The following ARHGAP39 variants were observed in gnomAD, a reference collection of about 807,000 sequenced individuals.
ARHGAP39 encodes the protein Rho GTPase activating protein 39.
In ARHGAP39, 44 loss-of-function variants were observed where a neutral mutation model predicts 106.9. The ratio of observed to expected loss-of-function variants is 0.41; its 90% CI spans 0.32 to 0.53. The LOEUF is 0.53. Ranked by LOEUF, ARHGAP39 falls within the 20% of genes least tolerant of loss-of-function variation. The pLI, the probability that ARHGAP39 is intolerant of heterozygous loss-of-function variation, is 0.21. For missense variants in ARHGAP39, 1,496 were observed against 1,577.3 expected, an observed-to-expected ratio of 0.95 and a Z score of 0.87; for synonymous variants, 768 against 693.2, an observed-to-expected ratio of 1.11 and a Z score of -1.69.
chr8:144,649,876 T>C (rs1821533068), intron 1 of ARHGAP39, among the ~76,000 whole-genome samples: 1 of 151,820 alleles, frequency 6.6e-6, no homozygotes, highest in Non-Finnish European at 1.5e-5. Context: ...GATAAATTCT[T>C]GGACATGCCT....
At chr8:144,607,566 C>T (rs1820339692) in intron 1 of ARHGAP39, among the ~76,000 whole-genome samples, 1 of 152,188 alleles carries the variant, frequency 6.6e-6, no homozygotes, top group Non-Finnish European at 1.5e-5. Flanking sequence ...AGTACAGCCC[C>T]CACCCCGCCC....
At chr8:144,600,803 C>A (rs537347440) in intron 2 of ARHGAP39, among the ~76,000 whole-genome samples, 4 of 146,850 alleles carry the variant, frequency 2.7e-5, no homozygotes, top group Admixed American at 2.7e-4. Flanking sequence ...GCTCATCTAC[C>A]TACCTGCGCG....
rs752943391 is a variant in ARHGAP39 at position 144,530,511 on chromosome 8, C to T, written c.3256G>A (p.Val1086Ile). ...CLRCQSDDPR[V>I]IFENTRKEMS... ...TCCTTGCGGGTGTTCTCGAAGATGA[C>T]GCGCGGGTCGTCGGACTGGCAGCGC... The change falls in exon 12 of 12, where the codon GTC becomes ATC. Residue 1086 changes from valine to isoleucine, a missense_variant. Transcript: ENST00000377307. The T allele has an allele frequency of 6.2e-7, 1 of 1,611,964 alleles. No individual in the cohort carries two copies. Among genetic ancestry groups the T allele is most frequent in the Non-Finnish European group, 8.5e-7 (1 of 1,179,654 alleles).
intron 3 of ARHGAP39, among the ~76,000 whole-genome samples, chr8:144,558,524 A>G (rs937995192): frequency 5.3e-5 from 8 of 151,972 alleles, no homozygotes; most frequent in East Asian, 1.9e-4. Flanking sequence ...AACTCCTGAC[A>G]TCAGGTGATC....
intron 1 of ARHGAP39, among the ~76,000 whole-genome samples, chr8:144,627,605 C>G (rs1354704070): frequency 6.6e-6 from 1 of 150,550 alleles, no homozygotes; most frequent in Non-Finnish European, 1.5e-5. Context: ...TCTCAAACAG[C>G]TGCTGCCAAC....
the ARHGAP39 span, among the ~76,000 whole-genome samples, chr8:144,696,193 C>T: frequency 5.9e-5 from 9 of 152,168 alleles, no homozygotes; most frequent in African/African-American, 2.2e-4. Flanking sequence ...GGCTGGAGTG[C>T]AGTGGCACAA....
chr8:144,646,849 G>A lies in ARHGAP39; in HGVS notation c.-82+38837C>T, dbSNP rs923374360. ...TTTCTCCACCACACTTGCTGCAGAC[G>A]AGGGTCCGGGACCAGACACGCCCAG... On this transcript the variant is annotated intron_variant, in intron 1 of 11. Transcript: ENST00000377307. This position sits in a 1 kb window ranked among gnomAD's most constrained non-coding sequence, Gnocchi z 5.7. Among the ~76,000 whole-genome samples the A allele has an allele frequency of 1.2e-4, 18 of 152,298 alleles. No individual in the cohort carries two copies. Among genetic ancestry groups the A allele is most frequent in the Admixed American group, 6.5e-5 (1 of 15,300 alleles).
At chr8:144,610,438 G>A (rs899236810) in intron 1 of ARHGAP39, among the ~76,000 whole-genome samples, 3 of 152,162 alleles carry the variant, frequency 2.0e-5, no homozygotes, top group Non-Finnish European at 2.9e-5. Context: ...AGGGCCGGGC[G>A]TGGTGGCCCA....
At chr8:144,594,656 T>C (rs188005277) in intron 2 of ARHGAP39, among the ~76,000 whole-genome samples, 4 of 148,516 alleles carry the variant, frequency 2.7e-5, no homozygotes, top group Non-Finnish European at 3.0e-5. Flanking sequence ...ATTGTGCCAC[T>C]GCACTCCAGC....
intron 4 of ARHGAP39, among the ~76,000 whole-genome samples, chr8:144,554,526 C>T (rs570003058): frequency 2.6e-5 from 4 of 152,304 alleles, no homozygotes; most frequent in East Asian, 1.9e-4. Flanking sequence ...ACGTCCACCA[C>T]GAAGGATGCA....
upstream of ARHGAP39, among the ~76,000 whole-genome samples, chr8:144,686,475 C>T (rs904140888): frequency 6.6e-6 from 1 of 152,198 alleles, no homozygotes; most frequent in African/African-American, 2.4e-5. Context: ...GAAACGGAGG[C>T]TAAACAGCCT....
chr8:144,580,281 C>T (rs1434582514), intron 3 of ARHGAP39, among the ~76,000 whole-genome samples: 1 of 152,164 alleles, frequency 6.6e-6, no homozygotes. Context: ...CCACCTGGGT[C>T]CCCCTAGGTC....
chr8:144,669,289 G>A (rs1470296597), intron 1 of ARHGAP39, among the ~76,000 whole-genome samples: 7 of 90 alleles, frequency 0.078, no homozygotes, highest in East Asian at 0.43. Context: ...GGTGGATCAC[G>A]AGGTCAGGAG....
chr8:144,605,436 A>T, intron 2 of ARHGAP39, 99 bp downstream of exon 2: 1 of 1,275,700 alleles, frequency 7.8e-7, no homozygotes, highest in Non-Finnish European at 1.1e-6. Context: ...TCCATTCTCC[A>T]CGGAGAATCC....
chr8:144,531,265 G>A lies in ARHGAP39; in HGVS notation c.2981-394C>T, dbSNP rs1271808778. Among the ~76,000 whole-genome samples the A allele has an allele frequency of 1.5e-4, 12 of 77,686 alleles. 1 individual carries two copies. The highest frequency in any genetic ancestry group is 5.4e-4 in the African/African-American group (11 of 20,488). The allele number at this position is 77,686 out of a possible 152,430, so 51.0% of individuals were successfully genotyped here. The stretch of plus-strand genomic sequence containing the variant: ...CACAGGGCAGCGAGCAGCAGGTGGG[G>A]AGTGGGCTAGACATAGCAGGCACGG... On this transcript the variant is annotated intron_variant, in intron 10 of 11. Transcript: ENST00000377307.
At chr8:144,572,860 G>C (rs1209658967) in intron 3 of ARHGAP39, among the ~76,000 whole-genome samples, 1 of 152,218 alleles carries the variant, frequency 6.6e-6, no homozygotes, top group Admixed American at 6.5e-5. Flanking sequence ...GCAGCCAACA[G>C]ACACATGAAA....
intron 2 of ARHGAP39, among the ~76,000 whole-genome samples, chr8:144,582,848 G>A (rs1427569647): frequency 6.6e-6 from 1 of 152,232 alleles, no homozygotes; most frequent in Non-Finnish European, 1.5e-5. Flanking sequence ...AGGCCCGCCT[G>A]TGGATGTTTC....
chr8:144,610,757 CCT>C (rs1170502218), intron 1 of ARHGAP39, among the ~76,000 whole-genome samples: 1 of 151,946 alleles, frequency 6.6e-6, no homozygotes, highest in Non-Finnish European at 1.5e-5. Context: ...ATAAAATACC[CCT>C]CTGAGTACAG....
intron 1 of ARHGAP39, among the ~76,000 whole-genome samples, chr8:144,637,480 G>A (rs1279540687): frequency 6.6e-6 from 1 of 151,956 alleles, no homozygotes; most frequent in Admixed American, 6.6e-5. Context: ...CATGGTGGCG[G>A]GTGCCTGTAA....
Sources: allele counts gnomAD v4.1 joint callset (sites outside exome capture counted in the v4.1 genomes callset), GRCh38; gene constraint gnomAD v4.1.1; non-coding constraint Gnocchi (gnomAD v3.1); transcripts MANE v1.5; gene names NCBI Gene and HGNC (gene_info 2026-07-23, HGNC 2026-07-21).